Variants in ZNF711 observed in about 807,000 individuals in gnomAD.
ZNF711 encodes the protein zinc finger protein 711.
A neutral mutation model predicts 43.5 loss-of-function variants in ZNF711; 3 were observed. That is an observed-to-expected ratio of 0.07 (90% CI 0.03 to 0.18). The LOEUF is 0.18. Ranked by LOEUF, ZNF711 falls within the 10% of genes least tolerant of loss-of-function variation. ZNF711 has a pLI of 1.00. For synonymous variants in ZNF711, 209 were observed against 207.7 expected (o/e 1.01, Z -0.06); for missense variants, 412 against 604.0 (o/e 0.68, Z 3.33).
At position 85,273,284 on chromosome X, in the gene ZNF711, C is replaced by T. The variant is rs1931686824; in HGVS notation, c.*1456C>T. 1 of 111,667 alleles carries T rather than the reference C, an allele frequency of 9.0e-6. No homozygotes were observed. The highest frequency in any genetic ancestry group is 1.9e-5 in the Non-Finnish European group (1 of 52,958). The allele number at this position is 111,667 out of a possible 1,213,427, so 9.2% of individuals were successfully genotyped here. ...ATGTACACGCTGTAAAATAAGATCGCTACTGTTATGTGGGATTATTATTTC... is the reference window on the plus strand; with the variant it reads ...ATGTACACGCTGTAAAATAAGATCGTTACTGTTATGTGGGATTATTATTTC... On this transcript the variant is annotated 3_prime_UTR_variant, in exon 11 of 11. Transcript: ENST00000674551.
intron 4 of ZNF711, 44 bp from the exon 5 acceptor site, chrX:85,255,215 A>G (rs747927741): frequency 3.3e-5 from 37 of 1,133,350 alleles, no homozygotes; most frequent in Non-Finnish European, 4.1e-5. Context: ...ACTCTAAATT[A>G]ATAAAATAAC....
chrX:85,263,250 T>C (rs1214938103), intron 5 of ZNF711, among the ~76,000 whole-genome samples: 4 of 111,123 alleles, frequency 3.6e-5, no homozygotes, highest in Admixed American at 9.6e-5. Context: ...TGAACTTAAA[T>C]GTTATCCTAA....
chrX:85,255,016 A>T (rs895726283), intron 4 of ZNF711, among the ~76,000 whole-genome samples: 1 of 111,313 alleles, frequency 9.0e-6, no homozygotes, highest in African/African-American at 3.3e-5. Context: ...ACTTGAAAAT[A>T]AAGTATATTA....
intron 5 of ZNF711, among the ~76,000 whole-genome samples, chrX:85,257,708 AT>A (rs1471921777): frequency 5.3e-5 from 6 of 112,685 alleles, no homozygotes; most frequent in Non-Finnish European, 9.4e-5. Context: ...GCTGAGTTGA[AT>A]GGTAGTTCTG....
At chrX:85,250,859 A>G in intron 4 of ZNF711, among the ~76,000 whole-genome samples, 1 of 111,110 alleles carries the variant, frequency 9.0e-6, no homozygotes, top group South Asian at 3.8e-4. Flanking sequence ...TCCCAGCACA[A>G]TTTCATTTAT....
intron 5 of ZNF711, among the ~76,000 whole-genome samples, chrX:85,256,972 A>C (rs67297125): frequency 0.14 from 15,273 of 110,950 alleles, 794 homozygotes; most frequent in South Asian, 0.18. Context: ...GTCTACACTA[A>C]AATTCAGTAT....
intron 5 of ZNF711, among the ~76,000 whole-genome samples, chrX:85,257,880 A>G (rs779921787): frequency 8.8e-6 from 1 of 113,380 alleles, no homozygotes; most frequent in African/African-American, 3.2e-5. Flanking sequence ...TAATAAAAAA[A>G]TAGTAGATGT....
At chrX:85,255,060 G>C (rs910841542) in intron 4 of ZNF711, among the ~76,000 whole-genome samples, 199 bp from the exon 5 acceptor site, 1 of 111,372 alleles carries the variant, frequency 9.0e-6, no homozygotes, top group Non-Finnish European at 1.9e-5. Flanking sequence ...TACTAACATC[G>C]TTTTCACCCA....
intron 4 of ZNF711, among the ~76,000 whole-genome samples, chrX:85,248,741 G>A (rs1254743285): frequency 3.6e-5 from 4 of 111,457 alleles, no homozygotes; most frequent in African/African-American, 1.3e-4. Context: ...AACAGGGAAC[G>A]AGGTAATATG....
chrX:85,251,173 TAAG>T lies in ZNF711; in HGVS notation c.79+3525_79+3527del, dbSNP rs200228899. Among the ~76,000 whole-genome samples, 908 of 111,538 alleles carry T rather than the reference TAAG, an allele frequency of 8.1e-3. 11 individuals are homozygous for T. Among genetic ancestry groups the T allele is most frequent in the African/African-American group, 0.028 (858 of 30,800 alleles). Reference sequence around the variant, plus strand: ...TTTAACATACACAGAGCTAACCAAATAAGAACACTGTGGCACAAGATCTCCAAA... The same window carrying T: ...TTTAACATACACAGAGCTAACCAAATAACACTGTGGCACAAGATCTCCAAA... On this transcript the variant is annotated intron_variant, in intron 4 of 10. Transcript: ENST00000674551.
At chrX:85,258,928 A>C (rs1930399196) in intron 5 of ZNF711, among the ~76,000 whole-genome samples, 1 of 111,256 alleles carries the variant, frequency 9.0e-6, no homozygotes, top group Non-Finnish European at 1.9e-5. Context: ...CTGACTTGTC[A>C]ATTTTTGCTT....
At position 85,270,151 on chromosome X, in the gene ZNF711, A is replaced by T; in HGVS notation, c.1246+5A>T. ...AAACCAGGCAGTGGCAAACAGGTAA[A>T]TACTTTGCTTTATGAATATTATAAT... On this transcript the variant is annotated splice_donor_5th_base_variant and intron_variant, in intron 10 of 10. Coordinates refer to ENST00000674551, the MANE Select transcript of ZNF711 (RefSeq NM_001330574.2). 2 of 1,206,007 alleles carry T rather than the reference A, an allele frequency of 1.7e-6. No individual in the cohort carries two copies.
chrX:85,270,271 T>G, intron 10 of ZNF711, 125 bp downstream of exon 10: 1 of 691,982 alleles, frequency 1.4e-6, no homozygotes, highest in South Asian at 3.2e-5. Flanking sequence ...GTGTATGCTA[T>G]AGATAATTGT....
At chrX:85,259,715 G>C (rs950425654) in intron 5 of ZNF711, among the ~76,000 whole-genome samples, 29 of 111,112 alleles carry the variant, frequency 2.6e-4, no homozygotes, top group Non-Finnish European at 4.9e-4. Flanking sequence ...GTGTAGAAAT[G>C]CTACTGATTT....
At chrX:85,249,313 G>T (rs745658948) in intron 4 of ZNF711, among the ~76,000 whole-genome samples, 13 of 111,612 alleles carry the variant, frequency 1.2e-4, no homozygotes, top group African/African-American at 3.9e-4. Flanking sequence ...ATAAATTTTG[G>T]TTGAAATGTC....
chrX:85,262,793 A>T (rs1036391281), intron 5 of ZNF711, among the ~76,000 whole-genome samples: 1 of 110,536 alleles, frequency 9.0e-6, no homozygotes, highest in Non-Finnish European at 1.9e-5. Context: ...TAGCTCTGCA[A>T]TGTAAAAATA....
At position 85,270,913 on chromosome X, in the gene ZNF711, G is replaced by A; in HGVS notation, c.1509G>A (p.Glu503=). 1 of 1,210,510 alleles carries A rather than the reference G, an allele frequency of 8.3e-7. No individual in the cohort carries two copies. The highest frequency in any genetic ancestry group is 1.1e-6 in the Non-Finnish European group (1 of 894,877). The part of the protein sequence containing the change: ...EFTEYTRRYR[E]ASPLSSNKLI... The stretch of plus-strand genomic sequence containing the variant: ...CAGAATACACACGAAGATACAGAGA[G>A]GCTAGTCCACTGAGTTCCAATAAAC... Residue 503 remains glutamate, a synonymous_variant, in exon 11 of 11, where the codon GAG becomes GAA. Coordinates refer to ENST00000674551, the MANE Select transcript of ZNF711 (RefSeq NM_001330574.2).
chrX:85,271,415 G>T lies in ZNF711; in HGVS notation c.2011G>T (p.Asp671Tyr). The stretch of plus-strand genomic sequence containing the variant: ...TTTTCCTCACAAATGTGAGGTCTGT[G>T]ATAAAGGTTTTCATCGTCCTTCTGA... Reference protein sequence around the residue: ...KDFPHKCEVCDKGFHRPSELK... With the variant: ...KDFPHKCEVCYKGFHRPSELK... Residue 671 changes from aspartate to tyrosine, a missense_variant, in exon 11 of 11, where the codon GAT (aspartate) becomes TAT (tyrosine). This residue lies in a region of ZNF711 where 375 missense variants were observed against 514.2 expected (regional missense o/e 0.73). Transcript: ENST00000674551. The T allele has an allele frequency of 8.3e-7, 1 of 1,211,079 alleles. No homozygotes were observed. Among genetic ancestry groups the T allele is most frequent in the Non-Finnish European group, 1.1e-6 (1 of 895,235 alleles).
At chrX:85,256,954 A>G (rs1420241913) in intron 5 of ZNF711, among the ~76,000 whole-genome samples, 4 of 111,390 alleles carry the variant, frequency 3.6e-5, no homozygotes, top group Admixed American at 9.6e-5. Flanking sequence ...ATGTGGCAAA[A>G]GTTGGTAGTC....
Sources: allele counts gnomAD v4.1 joint callset (sites outside exome capture counted in the v4.1 genomes callset), GRCh38; gene constraint gnomAD v4.1.1; regional missense constraint gnomAD v4.1.1; transcripts MANE v1.5; gene names NCBI Gene and HGNC (gene_info 2026-07-23, HGNC 2026-07-21).